Variants in LRP1B observed in about 807,000 individuals in gnomAD.
LRP1B encodes the protein LDL receptor related protein 1B.
A neutral mutation model predicts 556.6 loss-of-function variants in LRP1B; 217 were observed. That is an observed-to-expected ratio of 0.39 (90% confidence interval 0.35 to 0.44). The LOEUF is 0.44. Ranked by LOEUF, LRP1B falls within the 20% of genes least tolerant of loss-of-function variation. The probability of loss-of-function intolerance (pLI) is 1.00; values close to 1 mark genes in which losing one functional copy is unlikely to be tolerated. For missense variants in LRP1B, 5,053 were observed against 5,620.8 expected, an observed-to-expected ratio of 0.90 and a Z score of 3.23; for synonymous variants, 2,047 against 1,865.8, an observed-to-expected ratio of 1.10 and a Z score of -2.50.
rs80193758 is a variant in LRP1B at position 141,383,969 on chromosome 2, G to T, written c.343+96427C>A. On this transcript the variant is annotated intron_variant, in intron 3 of 90. Coordinates refer to ENST00000389484, the MANE Select transcript of LRP1B (RefSeq NM_018557.3). The stretch of plus-strand genomic sequence containing the variant: ...GATTATAATTAATGACATTCTATAC[G>T]TAAAATATGCTGAGGGATGATCTTA... Among the ~76,000 whole-genome samples, 460 of 152,168 alleles carry T rather than the reference G, an allele frequency of 3.0e-3. 2 individuals are homozygous for T. Among genetic ancestry groups the T allele is most frequent in the African/African-American group, 0.01 (427 of 41,530 alleles).
At chr2:140,850,711 C>G (rs1297246866) in intron 28 of LRP1B, among the ~76,000 whole-genome samples, 1 of 152,090 alleles carries the variant, frequency 6.6e-6, no homozygotes, top group Non-Finnish European at 1.5e-5. Context: ...AATCTAACAA[C>G]TTTTTTCTAT....
At chr2:141,052,758 C>T (rs1481066039) in intron 10 of LRP1B, among the ~76,000 whole-genome samples, 2 of 152,032 alleles carry the variant, frequency 1.3e-5, no homozygotes, top group African/African-American at 2.4e-5. Flanking sequence ...CTACTTCAGC[C>T]TCCCAAGTAG....
chr2:141,721,674 G>A (rs140784917), intron 2 of LRP1B, among the ~76,000 whole-genome samples: 2 of 152,140 alleles, frequency 1.3e-5, no homozygotes, highest in South Asian at 2.1e-4. Context: ...TCTTCAGGAA[G>A]ATTAAGCAAA....
chr2:140,417,477 G>T (rs777517318), intron 66 of LRP1B, among the ~76,000 whole-genome samples: 6 of 152,176 alleles, frequency 3.9e-5, no homozygotes, highest in Non-Finnish European at 7.3e-5. Context: ...TAAGTCTACT[G>T]ATGTTAATAA....
At chr2:140,959,825 A>G (rs1695980583) in intron 18 of LRP1B, among the ~76,000 whole-genome samples, 1 of 151,700 alleles carries the variant, frequency 6.6e-6, no homozygotes, top group African/African-American at 2.4e-5. Flanking sequence ...AAAACTACAG[A>G]AATTTCAAAA....
At chr2:140,967,815 T>G (rs557894088) in intron 18 of LRP1B, among the ~76,000 whole-genome samples, 2 of 152,180 alleles carry the variant, frequency 1.3e-5, no homozygotes, top group East Asian at 3.9e-4. Flanking sequence ...TTTTTTGTCT[T>G]TGGTTCTGTT....
Position 141,140,906 on chromosome 2 carries a change from C to T in LRP1B, c.1013+47515G>A, listed in dbSNP as rs995330898. ...AATAAGCACTTATATAAATTTAATA[C>T]AGGATTCAAAGATTTCCTCTGAATG... is the stretch of plus-strand genomic sequence containing the variant. On this transcript the variant is annotated intron_variant, in intron 7 of 90. Coordinates refer to ENST00000389484, the MANE Select transcript of LRP1B (RefSeq NM_018557.3). Among the ~76,000 whole-genome samples, 4 of 151,930 alleles carry T rather than the reference C, an allele frequency of 2.6e-5. No homozygotes were observed. In the South Asian group the frequency reaches 8.3e-4, roughly 32 times the overall value.
intron 3 of LRP1B, among the ~76,000 whole-genome samples, chr2:141,274,843 A>AT (rs1309398474): frequency 1.3e-5 from 2 of 152,198 alleles, no homozygotes; most frequent in Non-Finnish European, 2.9e-5. Flanking sequence ...ATATATAATG[A>AT]TTTTCAACTT....
intron 2 of LRP1B, among the ~76,000 whole-genome samples, chr2:141,636,459 A>G (rs2105356375): frequency 6.6e-6 from 1 of 152,328 alleles, no homozygotes; most frequent in East Asian, 1.9e-4. Context: ...AATTACTAAT[A>G]TATCAAATGT....
chr2:141,776,048 A>T (rs1695059907), intron 2 of LRP1B, among the ~76,000 whole-genome samples: 1 of 151,822 alleles, frequency 6.6e-6, no homozygotes, highest in South Asian at 2.1e-4. Context: ...GGGTTTCACC[A>T]TGTTAGCCAG....
At chr2:140,387,435 T>C (rs1274911252) in intron 66 of LRP1B, among the ~76,000 whole-genome samples, 2 of 152,212 alleles carry the variant, frequency 1.3e-5, no homozygotes, top group Non-Finnish European at 2.9e-5. Context: ...TATTTAAACA[T>C]ATGAGGAAAA....
chr2:140,904,399 G>A (rs974181204), intron 22 of LRP1B, among the ~76,000 whole-genome samples: 17 of 151,976 alleles, frequency 1.1e-4, no homozygotes, highest in African/African-American at 3.6e-4. Context: ...TGTATGTTTT[G>A]AGATGTGCTA....
intron 2 of LRP1B, among the ~76,000 whole-genome samples, chr2:141,588,890 G>C (rs1403862929): frequency 6.6e-6 from 1 of 152,128 alleles, no homozygotes; most frequent in Non-Finnish European, 1.5e-5. Context: ...ATAAACAGGG[G>C]TCAAGACAAA....
chr2:141,308,831 T>G (rs1686698374), intron 3 of LRP1B, among the ~76,000 whole-genome samples: 1 of 152,190 alleles, frequency 6.6e-6, no homozygotes, highest in Non-Finnish European at 1.5e-5. Flanking sequence ...TACACTAACA[T>G]GTTACCAAAT....
intron 1 of LRP1B, among the ~76,000 whole-genome samples, chr2:141,900,126 G>T (rs779578217): frequency 6.6e-6 from 1 of 151,986 alleles, no homozygotes; most frequent in Non-Finnish European, 1.5e-5. Flanking sequence ...AGTCCCAATC[G>T]ATATGGAGAA....
At chr2:140,541,163 T>G in intron 44 of LRP1B, 65 bp from the exon 45 acceptor site, 1 of 1,357,048 alleles carries the variant, frequency 7.4e-7, no homozygotes, top group East Asian at 2.3e-5. Flanking sequence ...TAGATAAATA[T>G]TAATCGTAAA....
At chr2:141,884,426 T>C in intron 1 of LRP1B, among the ~76,000 whole-genome samples, 1 of 152,220 alleles carries the variant, frequency 6.6e-6, no homozygotes, top group South Asian at 2.1e-4. Flanking sequence ...TTTCTGGATC[T>C]AAGAAATGTT....
intron 47 of LRP1B, among the ~76,000 whole-genome samples, chr2:140,531,382 T>C (rs1221614615): frequency 6.6e-6 from 1 of 152,176 alleles, no homozygotes; most frequent in African/African-American, 2.4e-5. Flanking sequence ...TTACTTCCAG[T>C]GTCTGACTAT....
chr2:141,105,016 TAATA>T (rs1232861600), intron 7 of LRP1B, among the ~76,000 whole-genome samples: 2 of 152,042 alleles, frequency 1.3e-5, no homozygotes, highest in Admixed American at 6.6e-5. Flanking sequence ...AAGGCTCTTA[TAATA>T]AATAAATAAT....
Sources: gnomAD v4.1 joint callset for allele counts (sites outside exome capture counted in the v4.1 genomes callset) on GRCh38, gnomAD v4.1.1 for gene constraint, MANE v1.5 for transcripts, NCBI Gene and HGNC (gene_info 2026-07-23, HGNC 2026-07-21) for gene names.